ANKRD44: variants seen among roughly 807,000 people sequenced by gnomAD.
ANKRD44 encodes ankyrin repeat domain 44.
ANKRD44 carries 35 observed loss-of-function variants against 116.0 expected under a neutral mutation model. That is an observed-to-expected ratio of 0.30 (90% CI 0.23 to 0.40). ANKRD44 has a LOEUF of 0.40. Among genes scored for constraint, ANKRD44 ranks in the 10% least tolerant of loss-of-function variants. The pLI is 1.00. For synonymous variants in ANKRD44, 435 were observed against 461.8 expected, an observed-to-expected ratio of 0.94 and a Z score of 0.74; for missense variants, 1,014 against 1,242.6, an observed-to-expected ratio of 0.82 and a Z score of 2.77.
At chr2:197,090,719 GC>G (rs1349070270) in intron 10 of ANKRD44, among the ~76,000 whole-genome samples, 1 of 151,942 alleles carries the variant, frequency 6.6e-6, no homozygotes, top group African/African-American at 2.4e-5. Context: ...ACTACCCATG[GC>G]CCTCCCCCAC....
chr2:197,301,706 C>A (rs181720380), intron 1 of ANKRD44, among the ~76,000 whole-genome samples: 1 of 152,290 alleles, frequency 6.6e-6, no homozygotes, highest in African/African-American at 2.4e-5. Context: ...GATACATATA[C>A]ATATTTATAT....
chr2:197,015,790 T>C, intron 17 of ANKRD44: 2 of 436,610 alleles, frequency 4.6e-6, no homozygotes, highest in South Asian at 1.9e-5. Context: ...AGGGGGTAGA[T>C]ATGGTGGTGG....
chr2:197,078,927 T>G (rs901520626), intron 15 of ANKRD44, 113 bp from the exon 16 acceptor site: 1 of 1,106,548 alleles, frequency 9.0e-7, no homozygotes, highest in African/African-American at 1.6e-5. Flanking sequence ...TGAGTTTGTT[T>G]CTTTAAAAAT....
intron 27 of ANKRD44, chr2:196,990,745 A>C: frequency 8.1e-7 from 1 of 1,232,186 alleles, no homozygotes; most frequent in Non-Finnish European, 1.0e-6. Flanking sequence ...TTGTTACTGC[A>C]CAGGCTAACC....
At chr2:196,975,646 C>G (rs1331113906) in intron 21 of ANKRD44, among the ~76,000 whole-genome samples, 1 of 150,218 alleles carries the variant, frequency 6.7e-6, no homozygotes, top group Admixed American at 6.6e-5. Context: ...CAAAAATTAG[C>G]CAGGTGTGGT....
At chr2:197,116,629 T>C (rs560987195) in intron 8 of ANKRD44, among the ~76,000 whole-genome samples, 2 of 152,230 alleles carry the variant, frequency 1.3e-5, no homozygotes, top group African/African-American at 4.8e-5. Flanking sequence ...CTCTGGCTCT[T>C]TCTCCTCCTC....
chr2:197,240,867 G>A (rs944534055), intron 1 of ANKRD44, among the ~76,000 whole-genome samples: 1 of 150,606 alleles, frequency 6.6e-6, no homozygotes, highest in Non-Finnish European at 1.5e-5. Context: ...TCTGCTCTTT[G>A]CAATCAGGAA....
intron 9 of ANKRD44, among the ~76,000 whole-genome samples, chr2:197,110,548 T>C (rs1044021079): frequency 6.6e-5 from 10 of 152,210 alleles, no homozygotes; most frequent in African/African-American, 2.2e-4. Context: ...TGACTCCAAA[T>C]TGACTGTGAA....
At chr2:197,309,430 G>T (rs749252266) in intron 1 of ANKRD44, among the ~76,000 whole-genome samples, 1 of 152,148 alleles carries the variant, frequency 6.6e-6, no homozygotes, top group South Asian at 2.1e-4. Flanking sequence ...TAAAAAAATT[G>T]AATCTAAAAG....
rs1398024958 is a variant in ANKRD44 at position 196,987,930 on chromosome 2, T to G, written c.*1661A>C. 1.0e-6 allele frequency: 1 copy of G among 984,048 alleles called. No homozygotes were observed. Among genetic ancestry groups the G allele is most frequent in the Non-Finnish European group, 1.2e-6 (1 of 828,802 alleles). 61.0% of individuals were successfully genotyped at this position (984,048 alleles called of 1,614,324 possible). A position where few individuals can be genotyped will look rare whatever the true frequency, so the allele number is the denominator to read the frequency against. ...CAGAAATGATAGTTTTTAAAGTCAT[T>G]TCTTTAAAAAAATTTTGCCTTGGGG... On this transcript the variant is annotated 3_prime_UTR_variant, in exon 28 of 28. Coordinates refer to ENST00000282272, the MANE Select transcript of ANKRD44 (RefSeq NM_001195144.2).
At chr2:197,154,613 G>GT (rs2079760939) in intron 2 of ANKRD44, among the ~76,000 whole-genome samples, 1 of 152,078 alleles carries the variant, frequency 6.6e-6, no homozygotes, top group South Asian at 2.1e-4. Context: ...TGTGTGTGGA[G>GT]TTTTTTATAT....
At chr2:197,150,780 A>C (rs2079625381) in intron 2 of ANKRD44, among the ~76,000 whole-genome samples, 1 of 152,158 alleles carries the variant, frequency 6.6e-6, no homozygotes, top group South Asian at 2.1e-4. Context: ...AGGTCAATAC[A>C]CCAGGGGCTT....
intron 1 of ANKRD44, among the ~76,000 whole-genome samples, chr2:197,198,344 T>A (rs1343933947): frequency 6.6e-6 from 1 of 152,108 alleles, no homozygotes; most frequent in Non-Finnish European, 1.5e-5. Context: ...GAACAATCAC[T>A]CTAAAAATGG....
chr2:197,139,130 T>C (rs907189964), intron 3 of ANKRD44, among the ~76,000 whole-genome samples: 8 of 152,066 alleles, frequency 5.3e-5, no homozygotes, highest in African/African-American at 1.9e-4. Context: ...TGGCATTATC[T>C]AGTAAAATTG....
chr2:197,268,082 A>G (rs1165037453), intron 1 of ANKRD44, among the ~76,000 whole-genome samples: 1 of 152,236 alleles, frequency 6.6e-6, no homozygotes, highest in Non-Finnish European at 1.5e-5. Context: ...AGGTTTTACA[A>G]TAGAAAAAGA....
chr2:197,089,790 G>A (rs1314297988), intron 11 of ANKRD44, among the ~76,000 whole-genome samples, 160 bp downstream of exon 11: 1 of 152,152 alleles, frequency 6.6e-6, no homozygotes, highest in African/African-American at 2.4e-5. Context: ...AAGGATTGTT[G>A]GGAGCTGTCA....
chr2:197,031,523 A>G (rs764474732), intron 16 of ANKRD44, among the ~76,000 whole-genome samples: 1 of 152,192 alleles, frequency 6.6e-6, no homozygotes, highest in African/African-American at 2.4e-5. Context: ...TTGTTTTGTA[A>G]TCAGAAAAAC....
intron 1 of ANKRD44, among the ~76,000 whole-genome samples, chr2:197,274,018 T>TATATAGATATATATAG (rs2083002624): frequency 2.8e-5 from 2 of 70,980 alleles, no homozygotes; most frequent in African/African-American, 4.9e-5. Flanking sequence ...TATATATATA[T>TATATAGATATATATAG]ATATATATAT....
chr2:197,125,937 T>G lies in ANKRD44; in HGVS notation c.362A>C (p.Lys121Thr). 2 of 1,614,216 alleles carry G rather than the reference T, an allele frequency of 1.2e-6. No homozygotes were observed. The highest frequency in any genetic ancestry group is 1.7e-6 in the Non-Finnish European group (2 of 1,180,038). ...CAGGGGAATGATCACTTCTGCACAT[T>G]TGACAGCCTTGTTGGCTGCTGCCAC... Reference protein sequence around the residue: ...LHVAAANKAVKCAEVIIPLLS... With the variant: ...LHVAAANKAVTCAEVIIPLLS... Residue 121 changes from lysine (K) to threonine (T), a missense_variant, in exon 5 of 28, where the codon AAA (lysine) becomes ACA (threonine). Transcript: ENST00000282272.
Sources: allele counts gnomAD v4.1 joint callset (sites outside exome capture counted in the v4.1 genomes callset), GRCh38; gene constraint gnomAD v4.1.1; transcripts MANE v1.5; gene names NCBI Gene and HGNC (gene_info 2026-07-23, HGNC 2026-07-21).